Variants in SNTG1 observed in about 807,000 individuals in gnomAD.
SNTG1 encodes syntrophin gamma 1, also known as gamma-1-syntrophin.
In SNTG1, 39 loss-of-function variants were observed where a neutral mutation model predicts 74.7. The ratio of observed to expected loss-of-function variants is 0.52; its 90% CI spans 0.40 to 0.68. The LOEUF (loss-of-function observed/expected upper bound fraction) is 0.68, where lower values mean the gene tolerates loss of function less well. Among genes scored for constraint, SNTG1 ranks in the 30% least tolerant of loss-of-function variants. The pLI, the probability that SNTG1 is intolerant of heterozygous loss-of-function variation, is 0.00. For missense variants in SNTG1, 685 were observed against 609.5 expected (o/e 1.12, Z -1.30); for synonymous variants, 254 against 217.1 (o/e 1.17, Z -1.49).
intron 13 of SNTG1, among the ~76,000 whole-genome samples, chr8:50,648,428 A>T (rs1386463201): frequency 6.6e-6 from 1 of 152,180 alleles, no homozygotes; most frequent in East Asian, 1.9e-4. Context: ...GGAGTCATTA[A>T]TAGAGAAACT....
At chr8:50,375,406 C>T (rs1004123048) in intron 2 of SNTG1, among the ~76,000 whole-genome samples, 9 of 151,632 alleles carry the variant, frequency 5.9e-5, no homozygotes, top group African/African-American at 9.7e-5. Flanking sequence ...ATACGACTTA[C>T]AGAGGAGCCA....
intron 2 of SNTG1, among the ~76,000 whole-genome samples, chr8:50,238,776 G>C (rs1249964287): frequency 6.6e-6 from 1 of 151,942 alleles, no homozygotes; most frequent in East Asian, 1.9e-4. Flanking sequence ...AATGTACAAG[G>C]AACTCAAACA....
chr8:50,553,015 G>T (rs2094436052), intron 11 of SNTG1, 35 bp from the exon 12 acceptor site: 1 of 1,610,116 alleles, frequency 6.2e-7, no homozygotes, highest in African/African-American at 1.3e-5. Flanking sequence ...TCAATGACAT[G>T]AGGTTTTGAT....
At chr8:50,659,984 C>A (rs557299452) in intron 15 of SNTG1, among the ~76,000 whole-genome samples, 1 of 152,122 alleles carries the variant, frequency 6.6e-6, no homozygotes, top group South Asian at 2.1e-4. Flanking sequence ...GGACTACAGG[C>A]ACATGCCACC....
intron 2 of SNTG1, among the ~76,000 whole-genome samples, chr8:50,199,295 G>A (rs2083897322): frequency 6.7e-6 from 1 of 148,376 alleles, no homozygotes; most frequent in South Asian, 2.1e-4. Context: ...TCGGCTCACT[G>A]CAACCTCTGT....
intron 1 of SNTG1, among the ~76,000 whole-genome samples, chr8:50,140,749 A>G (rs1459824775): frequency 1.3e-5 from 2 of 152,184 alleles, no homozygotes; most frequent in Non-Finnish European, 2.9e-5. Context: ...ATATTTTGAC[A>G]TATCTATCTT....
chr8:50,484,080 T>C (rs369943327), intron 8 of SNTG1, among the ~76,000 whole-genome samples: 2 of 117,580 alleles, frequency 1.7e-5, no homozygotes, highest in African/African-American at 5.7e-5. Flanking sequence ...TCTTTTCTCT[T>C]TTTCTTTCTC....
At chr8:50,389,792 G>T (rs1044034478) in intron 2 of SNTG1, among the ~76,000 whole-genome samples, 15 of 152,202 alleles carry the variant, frequency 9.9e-5, no homozygotes, top group African/African-American at 3.6e-4. Flanking sequence ...GGTTCAAGAT[G>T]ATATCTCATT....
At chr8:50,760,501 T>C (rs2095595324) in intron 18 of SNTG1, among the ~76,000 whole-genome samples, 1 of 151,948 alleles carries the variant, frequency 6.6e-6, no homozygotes. Context: ...CTTATTATTT[T>C]GAGATATGTT....
At chr8:50,341,796 G>C (rs2091325607) in intron 2 of SNTG1, among the ~76,000 whole-genome samples, 1 of 151,976 alleles carries the variant, frequency 6.6e-6, no homozygotes, top group African/African-American at 2.4e-5. Context: ...CTGATATTGA[G>C]AGTCTTAATA....
At chr8:50,316,036 A>G (rs1160109326) in intron 2 of SNTG1, among the ~76,000 whole-genome samples, 1 of 152,176 alleles carries the variant, frequency 6.6e-6, no homozygotes, top group African/African-American at 2.4e-5. Flanking sequence ...CCAACTTTTA[A>G]AATTCTACTT....
intron 9 of SNTG1, among the ~76,000 whole-genome samples, chr8:50,509,284 C>G (rs2094041654): frequency 6.6e-6 from 1 of 152,166 alleles, no homozygotes; most frequent in Non-Finnish European, 1.5e-5. Flanking sequence ...GTCTCTATCT[C>G]TGTTTTGGTA....
At chr8:49,953,132 G>C (rs993833103) in intron 1 of SNTG1, among the ~76,000 whole-genome samples, 5 of 152,196 alleles carry the variant, frequency 3.3e-5, no homozygotes, top group Admixed American at 6.5e-5. Flanking sequence ...AGAGTGACAA[G>C]AAGATTAAAG....
intron 2 of SNTG1, among the ~76,000 whole-genome samples, chr8:50,330,610 A>G (rs748991169): frequency 1.3e-5 from 2 of 152,138 alleles, no homozygotes; most frequent in African/African-American, 4.8e-5. Context: ...CCAATTTACT[A>G]TATTAATCTG....
intron 2 of SNTG1, among the ~76,000 whole-genome samples, chr8:50,376,756 T>TATAGAG (rs1381048539): frequency 4.4e-5 from 4 of 89,986 alleles, no homozygotes; most frequent in African/African-American, 1.2e-4. Context: ...TATATATATA[T>TATAGAG]AGAGAGAGAG....
At chr8:50,582,035 T>C (rs1191155369) in intron 12 of SNTG1, among the ~76,000 whole-genome samples, 2 of 152,208 alleles carry the variant, frequency 1.3e-5, no homozygotes, top group Non-Finnish European at 2.9e-5. Flanking sequence ...CTCTCCTTCA[T>C]GTCTTCCCAG....
chr8:50,656,737 A>G (rs1191264261), intron 13 of SNTG1, among the ~76,000 whole-genome samples, 172 bp from the exon 14 acceptor site: 2 of 152,120 alleles, frequency 1.3e-5, no homozygotes, highest in Non-Finnish European at 2.9e-5. Flanking sequence ...CTGAAGCCAA[A>G]TCTGGTTTAA....
intron 1 of SNTG1, among the ~76,000 whole-genome samples, chr8:50,051,384 A>G (rs1819562257): frequency 6.6e-6 from 1 of 152,104 alleles, no homozygotes; most frequent in South Asian, 2.1e-4. Context: ...TCCAAATAAA[A>G]TTGAGAACTG....
chr8:50,165,752 T>C (rs2082592352), intron 1 of SNTG1, among the ~76,000 whole-genome samples: 1 of 152,200 alleles, frequency 6.6e-6, no homozygotes, highest in Non-Finnish European at 1.5e-5. Flanking sequence ...TCGAGATATA[T>C]GTTGATACAT....
Sources: allele counts gnomAD v4.1 joint callset (sites outside exome capture counted in the v4.1 genomes callset), GRCh38; gene constraint gnomAD v4.1.1; transcripts MANE v1.5; gene names NCBI Gene and HGNC (gene_info 2026-07-23, HGNC 2026-07-21).